The following ZC3H14 variants were observed in gnomAD, a reference collection of about 807,000 sequenced individuals.
The protein encoded by ZC3H14 is zinc finger CCCH domain-containing protein 14.
A neutral mutation model predicts 92.4 loss-of-function variants in ZC3H14; 31 were observed. That is an observed-to-expected ratio of 0.34 (90% CI 0.25 to 0.45). ZC3H14 has a LOEUF of 0.45. Ranked by LOEUF, ZC3H14 falls within the 20% of genes least tolerant of loss-of-function variation. The pLI is 1.00. For missense variants in ZC3H14, 781 were observed against 897.3 expected, an observed-to-expected ratio of 0.87 and a Z score of 1.66; for synonymous variants, 321 against 300.9, an observed-to-expected ratio of 1.07 and a Z score of -0.69.
At position 88,621,105 on chromosome 14, in the gene ZC3H14, GTACT is replaced by G; in HGVS notation, c.*9360_*9363del. On this transcript the variant is annotated 3_prime_UTR_variant, in exon 17 of 17. Transcript: ENST00000251038. The stretch of plus-strand genomic sequence containing the variant: ...GTAACCTCTTTTAAAAAAATTATCT[GTACT>G]TACTTTATCAGCAATATCCCAAAGT... 6.2e-7 allele frequency: 1 copy of G among 1,612,328 alleles called. No individual in the cohort carries two copies. The highest frequency in any genetic ancestry group is 8.5e-7 in the Non-Finnish European group (1 of 1,179,216).
Position 88,625,149 on chromosome 14 carries a change from G to A in ZC3H14, c.*13398G>A. The A allele has an allele frequency of 6.2e-7, 1 of 1,611,426 alleles. No homozygotes were observed. The highest frequency in any genetic ancestry group is 2.2e-5 in the East Asian group (1 of 44,802). On this transcript the variant is annotated 3_prime_UTR_variant, in exon 17 of 17. Coordinates refer to ENST00000251038, the MANE Select transcript of ZC3H14 (RefSeq NM_024824.5). Reference sequence around the variant, plus strand: ...TATTCTGAAAAGGAGTGGGGGAGGGGGAGACAAACTCATCAAAAGTTCAAA... The same window carrying A: ...TATTCTGAAAAGGAGTGGGGGAGGGAGAGACAAACTCATCAAAAGTTCAAA...
chr14:88,609,830 A>G (rs776035495), intron 15 of ZC3H14, 27 bp downstream of exon 15: 13 of 1,602,966 alleles, frequency 8.1e-6, no homozygotes, highest in African/African-American at 2.7e-5. Context: ...TCTCAAATCA[A>G]TTTAGTGACA....
Position 88,574,878 on chromosome 14 carries a change from A to C in ZC3H14, c.1022+25A>C. 4 of 1,614,016 alleles carry C rather than the reference A, an allele frequency of 2.5e-6. No individual in the cohort carries two copies. The Admixed American group carries it at 6.7e-5, about 27-fold the overall frequency. On this transcript the variant is annotated intron_variant, in intron 7 of 16. Coordinates refer to ENST00000251038, the MANE Select transcript of ZC3H14 (RefSeq NM_024824.5). ...GGTACCTTGAACATGGCTGTAAATTAATCTTTAACTGCCTTGGTGGAGTCT... is the reference window on the plus strand; with the variant it reads ...GGTACCTTGAACATGGCTGTAAATTCATCTTTAACTGCCTTGGTGGAGTCT...
At chr14:88,575,238 T>A (rs778360375) in intron 7 of ZC3H14, among the ~76,000 whole-genome samples, 6 of 151,860 alleles carry the variant, frequency 4.0e-5, no homozygotes, top group Non-Finnish European at 8.8e-5. Context: ...GCACCTGACA[T>A]AAATATTTAA....
rs1432955380 is a variant in ZC3H14, at chr14:88,623,959, T to G, written c.*12208T>G. ...TTGTCTGAAAGCATGCCTATGTGCA[T>G]TCTTCCTTTATGTAAAAGGCACAAA... On this transcript the variant is annotated 3_prime_UTR_variant, in exon 17 of 17. Coordinates refer to ENST00000251038, the MANE Select transcript of ZC3H14 (RefSeq NM_024824.5). 6.6e-6 allele frequency: 1 copy of G among 152,266 alleles called. No individual in the cohort carries two copies. Among genetic ancestry groups the G allele is most frequent in the Non-Finnish European group, 1.5e-5 (1 of 68,048 alleles). The allele number at this position is 152,266 out of a possible 1,614,324, so 9.4% of individuals were successfully genotyped here. A position where few individuals can be genotyped will look rare whatever the true frequency, so the allele number is the denominator to read the frequency against.
intron 3 of ZC3H14, among the ~76,000 whole-genome samples, chr14:88,569,249 C>G (rs547678898): frequency 3.9e-5 from 6 of 152,248 alleles, no homozygotes; most frequent in African/African-American, 9.6e-5. Flanking sequence ...TCTTACATTG[C>G]CTTTTACAAT....
In ZC3H14 at chr14:88,610,842, G is replaced by T. The variant is rs1203566139; in HGVS notation, c.2106G>T (p.Arg702Ser). 1 of 1,613,864 alleles carries T rather than the reference G, an allele frequency of 6.2e-7. No individual in the cohort carries two copies. Among genetic ancestry groups the T allele is most frequent in the African/African-American group, 1.3e-5 (1 of 74,988 alleles). The change falls in exon 16 of 17, where the codon AGG (arginine) becomes AGT (serine). Residue 702 changes from arginine to serine, a missense_variant. Around this residue, in one of 3 missense-constraint regions of ZC3H14, gnomAD observed 221 missense variants for 304.7 expected, o/e 0.73. Transcript: ENST00000251038. ...ECPFYHPKHC[R>S]FNTQCTRPDC... Reference sequence around the variant, plus strand: ...CTGTTATCTCTATTCAGCATTGTAGGTTTAACACTCAATGTACAAGACCGG... The same window carrying T: ...CTGTTATCTCTATTCAGCATTGTAGTTTTAACACTCAATGTACAAGACCGG...
At chr14:88,605,147 T>A (rs1461703298) in intron 12 of ZC3H14, among the ~76,000 whole-genome samples, 2 of 152,216 alleles carry the variant, frequency 1.3e-5, no homozygotes, top group Non-Finnish European at 2.9e-5. Context: ...TCTCTTAATC[T>A]TTTATTTGTA....
rs768192235 is a variant in ZC3H14, at chr14:88,574,740, T to C, written c.909T>C (p.Val303=). The part of the protein sequence containing the change: ...KRKLPVVSSV[V]KVKKFNHDGE... ...AGTTGCCTGTGGTAAGTTCAGTTGT[T>C]AAAGTAAAAAAATTCAATCATGATG... is the stretch of plus-strand genomic sequence containing the variant. Residue 303 remains valine (V), a synonymous_variant, in exon 7 of 17, where the codon GTT becomes GTC. Transcript: ENST00000251038. The C allele has an allele frequency of 6.2e-7, 1 of 1,614,008 alleles. No homozygotes were observed. The highest frequency in any genetic ancestry group is 2.2e-5 in the East Asian group (1 of 44,890).
chr14:88,572,176 G>C lies in ZC3H14; in HGVS notation c.382G>C (p.Asp128His). The C allele has an allele frequency of 6.2e-7, 1 of 1,614,112 alleles. No homozygotes were observed. The highest frequency in any genetic ancestry group is 2.2e-5 in the East Asian group (1 of 44,870). The stretch of plus-strand genomic sequence containing the variant: ...TCCTAGCGCGAGACCTGAAAAAAGA[G>C]ATTCCAGAGTTTCTACAAGTTCGCA... ...AIPSARPEKR[D>H]SRVSTSSQES... The change falls in exon 5 of 17, where the codon GAT (aspartate) becomes CAT (histidine). Residue 128 changes from aspartate to histidine, a missense_variant. Physicochemically the swap from Asp to His is moderately conservative, Grantham distance 81. Transcript: ENST00000251038.
chr14:88,583,187 A>G (rs2082118181), intron 9 of ZC3H14, among the ~76,000 whole-genome samples: 1 of 149,788 alleles, frequency 6.7e-6, no homozygotes, highest in African/African-American at 2.5e-5. Context: ...GCTAGAGTAC[A>G]GTGGCACAAT....
chr14:88,566,126 T>A (rs1024920656), intron 2 of ZC3H14, among the ~76,000 whole-genome samples: 1 of 149,420 alleles, frequency 6.7e-6, no homozygotes. Context: ...GTGATCCACT[T>A]GTCTCAGCCT....
chr14:88,563,571 T>C (rs1290637087), intron 1 of ZC3H14, 80 bp from the exon 2 acceptor site: 1 of 1,588,674 alleles, frequency 6.3e-7, no homozygotes, highest in Non-Finnish European at 8.6e-7. Flanking sequence ...ACCAGCAAAG[T>C]GGCCTCAGCC....
chr14:88,565,938 G>T (rs2079513545), intron 2 of ZC3H14, among the ~76,000 whole-genome samples: 1 of 142,668 alleles, frequency 7.0e-6, no homozygotes, highest in African/African-American at 2.6e-5. Context: ...TGCAATCTTG[G>T]CTCACTGCAA....
intron 4 of ZC3H14, among the ~76,000 whole-genome samples, chr14:88,571,690 G>C (rs147063583): frequency 6.6e-6 from 1 of 152,162 alleles, no homozygotes; most frequent in African/African-American, 2.4e-5. Flanking sequence ...GGCCGGGCAC[G>C]GTGGCTCACG....
In ZC3H14 at chr14:88,626,599, A is replaced by G; in HGVS notation, c.*14848A>G. The stretch of plus-strand genomic sequence containing the variant: ...ACCATTGCACCCCAGCCCAGGCGAC[A>G]GAGTGAGATACTGTGTCAAAAAAAA... On this transcript the variant is annotated 3_prime_UTR_variant, in exon 17 of 17. Transcript: ENST00000251038. The G allele has an allele frequency of 8.2e-6, 4 of 486,860 alleles. No homozygotes were observed. The South Asian group carries it at 9.4e-5, about 11-fold the overall frequency. 30.2% of individuals were successfully genotyped at this position (486,860 alleles called of 1,614,324 possible). A position where few individuals can be genotyped will look rare whatever the true frequency, so the allele number is the denominator to read the frequency against.
chr14:88,574,583 G>GA (rs2080917796), intron 6 of ZC3H14, 110 bp from the exon 7 acceptor site: 1 of 1,346,380 alleles, frequency 7.4e-7, no homozygotes, highest in Admixed American at 1.8e-5. Context: ...AATACTCTGT[G>GA]AATTTCTCAT....
chr14:88,602,739 A>C, intron 11 of ZC3H14, 89 bp from the exon 12 acceptor site: 2 of 1,345,032 alleles, frequency 1.5e-6, no homozygotes, highest in Non-Finnish European at 2.1e-6. Context: ...AAGCCAAGGG[A>C]GTGATAGTTC....
intron 9 of ZC3H14, chr14:88,591,481 G>C (rs2083125573): frequency 6.6e-6 from 1 of 152,056 alleles, no homozygotes; most frequent in African/African-American, 2.4e-5. Flanking sequence ...AGATCATAGG[G>C]TAGAGATGTA....
Sources: gnomAD v4.1 joint callset for allele counts (sites outside exome capture counted in the v4.1 genomes callset) on GRCh38, gnomAD v4.1.1 for gene constraint, gnomAD v4.1.1 regional missense constraint, MANE v1.5 for transcripts, NCBI Gene and HGNC (gene_info 2026-07-23, HGNC 2026-07-21) for gene names.